DHX35: variants seen among roughly 807,000 people sequenced by gnomAD.
DHX35 encodes DEAH-box helicase 35.
A neutral mutation model predicts 99.6 loss-of-function variants in DHX35; 84 were observed. The observed-to-expected ratio is 0.84, with a 90% CI of 0.71 to 1.01. The LOEUF (loss-of-function observed/expected upper bound fraction) is 1.01, where lower values mean the gene tolerates loss of function less well. Ranked by LOEUF, DHX35 falls within the 50% of genes least tolerant of loss-of-function variation. The pLI is 0.00. For missense variants in DHX35, 852 were observed against 888.5 expected (o/e 0.96, Z 0.52); for synonymous variants, 331 against 316.2 (o/e 1.05, Z -0.50).
At chr20:38,993,661 G>A (rs962320113) in intron 7 of DHX35, among the ~76,000 whole-genome samples, 9 of 151,364 alleles carry the variant, frequency 5.9e-5, no homozygotes, top group Non-Finnish European at 1.2e-4. Context: ...CACTGTGCCC[G>A]GCCACATTGG....
At chr20:39,001,943 G>A (rs560413483) in intron 9 of DHX35, 101 bp downstream of exon 9, 2 of 933,338 alleles carry the variant, frequency 2.1e-6, no homozygotes, top group African/African-American at 3.3e-5. Flanking sequence ...AGGATGGGGA[G>A]GAGCATGTTT....
In DHX35 at chr20:38,969,206, G is replaced by A. The variant is rs1446629894; in HGVS notation, c.166G>A (p.Val56Ile). 4 of 1,605,926 alleles carry A rather than the reference G, an allele frequency of 2.5e-6. No individual in the cohort carries two copies. Among genetic ancestry groups the A allele is most frequent in the African/African-American group, 2.7e-5 (2 of 74,484 alleles). ...AGAGCAGCAGAGGCAGAAGCTGCCG[G>A]TATTCAAGGTACGTCAAATAATCAT... The part of the protein sequence containing the change: ...SIEQQRQKLP[V>I]FKLRNHILYL... Residue 56 changes from valine (V) to isoleucine (I), a missense_variant, in exon 2 of 22, where the codon GTA becomes ATA. Physicochemically the swap from Val to Ile is conservative, Grantham distance 29. Transcript: ENST00000252011.
At chr20:39,027,119 T>C (rs926831122) in intron 18 of DHX35, among the ~76,000 whole-genome samples, 3 of 152,168 alleles carry the variant, frequency 2.0e-5, no homozygotes, top group African/African-American at 4.8e-5. Flanking sequence ...GGAAGTGATA[T>C]CACCCCTGTT....
chr20:39,003,034 T>G (rs1263303161), intron 10 of DHX35, among the ~76,000 whole-genome samples, 166 bp downstream of exon 10: 1 of 152,272 alleles, frequency 6.6e-6, no homozygotes. Context: ...CCATCTAGAT[T>G]GTCAGGGACT....
At position 39,030,777 on chromosome 20, in the gene DHX35, TA is replaced by T; in HGVS notation, c.1955+4del. On this transcript the variant is annotated splice_donor_region_variant and intron_variant, in intron 20 of 21. Coordinates refer to ENST00000252011, the MANE Select transcript of DHX35 (RefSeq NM_021931.4). The stretch of plus-strand genomic sequence containing the variant: ...CTATGCAGAGAAGCCGCCTCGCTGG[TA>T]AGCTCATCCTGCTGCTTAGCCTGTG... 6.2e-7 allele frequency: 1 copy of T among 1,614,122 alleles called. No homozygotes were observed. Among genetic ancestry groups the T allele is most frequent in the South Asian group, 1.1e-5 (1 of 91,084 alleles).
chr20:39,013,622 G>C (rs1016136655), intron 13 of DHX35, among the ~76,000 whole-genome samples: 1 of 152,168 alleles, frequency 6.6e-6, no homozygotes, highest in African/African-American at 2.4e-5. Context: ...AGCTGACCTT[G>C]TTAGCTTTTT....
chr20:38,967,763 G>A (rs111335089), intron 1 of DHX35, among the ~76,000 whole-genome samples: 6 of 152,124 alleles, frequency 3.9e-5, no homozygotes, highest in African/African-American at 1.4e-4. Flanking sequence ...CCAGCATGGC[G>A]GTTACTGAGA....
At chr20:38,977,213 A>C (rs1316754073) in intron 3 of DHX35, among the ~76,000 whole-genome samples, 1 of 152,212 alleles carries the variant, frequency 6.6e-6, no homozygotes, top group Non-Finnish European at 1.5e-5. Context: ...TGTCACCAAC[A>C]GTGTGCAAGA....
At chr20:39,012,500 G>A (rs982415209) in intron 13 of DHX35, among the ~76,000 whole-genome samples, 2 of 151,790 alleles carry the variant, frequency 1.3e-5, no homozygotes, top group African/African-American at 4.8e-5. Flanking sequence ...GTGACTGCAC[G>A]TTGATATAGC....
chr20:39,032,231 G>A (rs893439100), intron 20 of DHX35, among the ~76,000 whole-genome samples: 1 of 152,228 alleles, frequency 6.6e-6, no homozygotes, highest in Non-Finnish European at 1.5e-5. Context: ...TTGCCCAGTG[G>A]TGTGATCTTG....
Position 38,988,894 on chromosome 20 carries a change from G to T in DHX35, c.427G>T (p.Asp143Tyr). 1.2e-6 allele frequency: 2 copies of T among 1,613,224 alleles called. No individual in the cohort carries two copies. Among genetic ancestry groups the T allele is most frequent in the South Asian group, 2.2e-5 (2 of 91,028 alleles). ...GYCIRFDDCT[D>Y]QLATRIKFLT... Reference sequence around the variant, plus strand: ...CTGCATCCGCTTTGATGACTGCACCGACCAGCTGGCCACGAGAATTAAGGT... The same window carrying T: ...CTGCATCCGCTTTGATGACTGCACCTACCAGCTGGCCACGAGAATTAAGGT... The change falls in exon 5 of 22, where the codon GAC becomes TAC. Residue 143 changes from aspartate (D) to tyrosine (Y), a missense_variant. Physicochemically the swap from Asp to Tyr is radical, Grantham distance 160. Transcript: ENST00000252011.
At chr20:38,978,101 G>A in intron 3 of DHX35, 1 of 764,796 alleles carries the variant, frequency 1.3e-6, no homozygotes, top group Non-Finnish European at 2.4e-6. Context: ...ATATGCACTG[G>A]CCCTGAGCCA....
intron 17 of DHX35, among the ~76,000 whole-genome samples, chr20:39,023,979 T>C (rs2086912294): frequency 2.0e-5 from 3 of 152,238 alleles, no homozygotes; most frequent in Non-Finnish European, 2.9e-5. Flanking sequence ...ACAGGAATCA[T>C]TCATTGCTTT....
intron 4 of DHX35, among the ~76,000 whole-genome samples, chr20:38,985,913 A>C (rs1393036410): frequency 1.3e-5 from 2 of 152,218 alleles, no homozygotes; most frequent in African/African-American, 4.8e-5. Flanking sequence ...TCAGAGCCTA[A>C]AAACAGATTG....
intron 3 of DHX35, among the ~76,000 whole-genome samples, chr20:38,981,805 A>G (rs573770729): frequency 2.6e-5 from 4 of 152,154 alleles, no homozygotes; most frequent in Admixed American, 2.6e-4. Context: ...TTAGCCGGGC[A>G]TGGTGTTGCA....
At chr20:39,033,585 TA>T (rs1182937121) in intron 20 of DHX35, among the ~76,000 whole-genome samples, 1 of 152,206 alleles carries the variant, frequency 6.6e-6, no homozygotes, top group Non-Finnish European at 1.5e-5. Flanking sequence ...AGCCCTGAAT[TA>T]ACACTTTGGA....
chr20:38,962,538 T>C, intron 1 of DHX35, 131 bp downstream of exon 1: 1 of 1,184,180 alleles, frequency 8.4e-7, no homozygotes, highest in Non-Finnish European at 1.2e-6. Context: ...GCCGCCTCTG[T>C]GCGGGGGGAG....
intron 12 of DHX35, 42 bp from the exon 13 acceptor site, chr20:39,010,238 T>A: frequency 6.2e-7 from 1 of 1,613,862 alleles, no homozygotes; most frequent in South Asian, 1.1e-5. Context: ...TGCATTTGAT[T>A]GTGACATTTG....
At chr20:39,024,850 A>G (rs141504404) in intron 17 of DHX35, among the ~76,000 whole-genome samples, 2 of 152,350 alleles carry the variant, frequency 1.3e-5, no homozygotes, top group Non-Finnish European at 2.9e-5. Context: ...CAAGTGTCAT[A>G]TTGTTGGCTT....
Sources: gnomAD v4.1 joint callset for allele counts (sites outside exome capture counted in the v4.1 genomes callset) on GRCh38, gnomAD v4.1.1 for gene constraint, MANE v1.5 for transcripts, NCBI Gene and HGNC (gene_info 2026-07-23, HGNC 2026-07-21) for gene names.